ZNF385D: variants seen among roughly 807,000 people sequenced by gnomAD.
ZNF385D encodes zinc finger protein 385D, also known as zinc finger protein 659.
A neutral mutation model predicts 35.8 loss-of-function variants in ZNF385D; 15 were observed. The observed-to-expected ratio is 0.42, with a 90% CI of 0.28 to 0.64. The LOEUF (loss-of-function observed/expected upper bound fraction) is 0.64, where lower values mean the gene tolerates loss of function less well. Ranked by LOEUF, ZNF385D falls within the 30% of genes least tolerant of loss-of-function variation. ZNF385D has a pLI of 0.23. For synonymous variants in ZNF385D, 212 were observed against 186.8 expected (o/e 1.13, Z -1.10); for missense variants, 474 against 494.6 (o/e 0.96, Z 0.39).
Position 21,635,326 on chromosome 3 carries a change from A to T in ZNF385D, c.165+29560T>A, listed in dbSNP as rs2065395619. Among the ~76,000 whole-genome samples the T allele has an allele frequency of 2.0e-5, 3 of 152,104 alleles. No individual in the cohort carries two copies. The South Asian group carries it at 6.2e-4, about 31-fold the overall frequency. On this transcript the variant is annotated intron_variant, in intron 2 of 7. Transcript: ENST00000281523. ...TAGGTAAAATGTATGAGTGCTCACTACATGCCTGGTCCGTTCGACATGATT... is the reference window on the plus strand; with the variant it reads ...TAGGTAAAATGTATGAGTGCTCACTTCATGCCTGGTCCGTTCGACATGATT...
chr3:22,131,553 G>T (rs143226477), intron 3 of ZNF385D, among the ~76,000 whole-genome samples: 2 of 152,104 alleles, frequency 1.3e-5, no homozygotes, highest in Non-Finnish European at 1.5e-5. Context: ...GATGTATCAG[G>T]AGAGAATGGA....
At chr3:21,685,083 C>T (rs889032010) in intron 1 of ZNF385D, among the ~76,000 whole-genome samples, 10 of 152,164 alleles carry the variant, frequency 6.6e-5, no homozygotes, top group Non-Finnish European at 1.2e-4. Flanking sequence ...AAGGAATATA[C>T]GTTTTTAACG....
intron 2 of ZNF385D, among the ~76,000 whole-genome samples, chr3:21,619,635 TAAC>T (rs2064946871): frequency 6.6e-6 from 1 of 152,144 alleles, no homozygotes; most frequent in Non-Finnish European, 1.5e-5. Flanking sequence ...TCCTTGAGGA[TAAC>T]AAGTCTTTGT....
intron 2 of ZNF385D, among the ~76,000 whole-genome samples, chr3:21,634,804 T>C (rs1365765312): frequency 6.6e-6 from 1 of 151,898 alleles, no homozygotes; most frequent in Non-Finnish European, 1.5e-5. Context: ...GTGTGTTCTA[T>C]GATTTGGCTT....
In ZNF385D at chr3:21,678,413, A is replaced by G. The variant is rs573064306; in HGVS notation, c.23-13385T>C. On this transcript the variant is annotated intron_variant, in intron 1 of 7. Coordinates refer to ENST00000281523, the MANE Select transcript of ZNF385D (RefSeq NM_024697.3). ...CAATGTGACTGAATGCCTTGAGAAT[A>G]TACAACTCCCTCACAGCTATTCTTC... Among the ~76,000 whole-genome samples the G allele has an allele frequency of 1.3e-4, 20 of 152,210 alleles. No homozygotes were observed. In the South Asian group the frequency reaches 3.7e-3, roughly 28 times the overall value.
At chr3:22,025,776 A>T (rs911780594) in intron 3 of ZNF385D, among the ~76,000 whole-genome samples, 3 of 152,160 alleles carry the variant, frequency 2.0e-5, no homozygotes, top group African/African-American at 7.2e-5. Flanking sequence ...TATTCATCCC[A>T]GCTGGGAGGG....
intron 2 of ZNF385D, among the ~76,000 whole-genome samples, chr3:21,648,958 G>T (rs1161142856): frequency 6.6e-6 from 1 of 151,940 alleles, no homozygotes; most frequent in African/African-American, 2.4e-5. Context: ...GGCACAGGGA[G>T]ACCAAGTAAC....
chr3:22,304,041 G>A (rs973322319), intron 2 of ZNF385D, among the ~76,000 whole-genome samples: 8 of 152,172 alleles, frequency 5.3e-5, no homozygotes, highest in Admixed American at 2.0e-4. Context: ...GCCTCCCAGT[G>A]TTGGGATTAC....
intron 4 of ZNF385D, among the ~76,000 whole-genome samples, chr3:21,442,240 T>A (rs1159175684): frequency 6.6e-6 from 1 of 152,200 alleles, no homozygotes; most frequent in African/African-American, 2.4e-5. Context: ...GGTTACAGAC[T>A]TCATAACTGA....
At chr3:21,532,440 G>T (rs868714432) in intron 3 of ZNF385D, among the ~76,000 whole-genome samples, 3 of 152,044 alleles carry the variant, frequency 2.0e-5, no homozygotes, top group African/African-American at 7.2e-5. Flanking sequence ...CAAACATTTG[G>T]TTTATTCAAT....
At chr3:22,177,398 T>C (rs1371729300) in intron 2 of ZNF385D, among the ~76,000 whole-genome samples, 2 of 152,130 alleles carry the variant, frequency 1.3e-5, no homozygotes, top group African/African-American at 2.4e-5. Context: ...TGAAAAGTTA[T>C]GCCAAGAAAA....
At chr3:21,542,808 A>C (rs1369061220) in intron 3 of ZNF385D, 1 of 152,210 alleles carries the variant, frequency 6.6e-6, no homozygotes, top group African/African-American at 2.4e-5. Context: ...GACCTTGCGG[A>C]GGAAACTTGT....
intron 3 of ZNF385D, among the ~76,000 whole-genome samples, chr3:22,168,309 G>A (rs577134218): frequency 1.3e-5 from 2 of 151,886 alleles, no homozygotes; most frequent in Admixed American, 6.5e-5. Flanking sequence ...TTAAAAAGTA[G>A]TCTAAAGTTA....
chr3:22,008,080 A>G (rs1295073445), intron 3 of ZNF385D, among the ~76,000 whole-genome samples: 2 of 151,898 alleles, frequency 1.3e-5, no homozygotes, highest in East Asian at 1.9e-4. Flanking sequence ...GTAGAATCCA[A>G]TTTTACTTTT....
chr3:21,708,254 G>C (rs1207221418), intron 1 of ZNF385D, among the ~76,000 whole-genome samples: 1 of 152,180 alleles, frequency 6.6e-6, no homozygotes. Flanking sequence ...TAACTGCTAA[G>C]AACTTATTAT....
chr3:21,718,648 T>C (rs1400859500), intron 1 of ZNF385D, among the ~76,000 whole-genome samples: 1 of 152,196 alleles, frequency 6.6e-6, no homozygotes, highest in African/African-American at 2.4e-5. Context: ...GTGGCAAAGC[T>C]TGGACTTGAG....
intron 2 of ZNF385D, among the ~76,000 whole-genome samples, chr3:22,223,274 T>C (rs548584677): frequency 7.2e-5 from 11 of 152,302 alleles, no homozygotes; most frequent in Admixed American, 6.5e-4. Context: ...TATTTGTTTG[T>C]CCTTCGTGTT....
chr3:22,322,279 G>A (rs747788604), intron 2 of ZNF385D, among the ~76,000 whole-genome samples: 2 of 152,138 alleles, frequency 1.3e-5, no homozygotes, highest in Non-Finnish European at 2.9e-5. Flanking sequence ...TCTTCACAGA[G>A]GGACATGGAT....
intron 1 of ZNF385D, among the ~76,000 whole-genome samples, chr3:21,749,002 C>G (rs1425977937): frequency 6.6e-6 from 1 of 151,992 alleles, no homozygotes; most frequent in African/African-American, 2.4e-5. Context: ...ATAGCATAAC[C>G]CGAAAGAAAC....
Sources: gnomAD v4.1 joint callset for allele counts (sites outside exome capture counted in the v4.1 genomes callset) on GRCh38, gnomAD v4.1.1 for gene constraint, MANE v1.5 for transcripts, NCBI Gene and HGNC (gene_info 2026-07-23, HGNC 2026-07-21) for gene names.